BCOR: variants seen among roughly 807,000 people sequenced by gnomAD.
The protein encoded by BCOR is BCL6 corepressor, also known as BCL-6 corepressor.
A neutral mutation model predicts 86.7 loss-of-function variants in BCOR; 10 were observed. The observed-to-expected ratio is 0.12, with a 90% CI of 0.07 to 0.20. The LOEUF is 0.20. Ranked by LOEUF, BCOR falls within the 10% of genes least tolerant of loss-of-function variation. BCOR has a pLI of 1.00. For synonymous variants in BCOR, 611 were observed against 609.0 expected (o/e 1.00, Z -0.05); for missense variants, 1,259 against 1,452.1 (o/e 0.87, Z 2.16).
intron 6 of BCOR, among the ~76,000 whole-genome samples, chrX:40,066,509 G>A (rs1935209485): frequency 1.8e-5 from 2 of 111,489 alleles, no homozygotes; most frequent in Non-Finnish European, 3.8e-5. Context: ...CAGAGGGTAA[G>A]GCTGGAGAAA....
At chrX:40,058,731 G>A (rs904038856) in intron 10 of BCOR, among the ~76,000 whole-genome samples, 1 of 111,589 alleles carries the variant, frequency 9.0e-6, no homozygotes, top group Non-Finnish European at 1.9e-5. Flanking sequence ...GAGGAAGAGA[G>A]AAGGCATGCC....
chrX:40,080,990 C>CAT (rs1491365647), intron 1 of BCOR, among the ~76,000 whole-genome samples: 1 of 4,145 alleles, frequency 2.4e-4, no homozygotes, highest in Non-Finnish European at 7.0e-4. Context: ...CACACACGCG[C>CAT]ACACACACAC....
At chrX:40,149,510 T>C (rs887960629) in intron 1 of BCOR, among the ~76,000 whole-genome samples, 2 of 111,060 alleles carry the variant, frequency 1.8e-5, no homozygotes, top group African/African-American at 6.6e-5. Flanking sequence ...CTTCCTGATA[T>C]GCTTAACTGC....
At chrX:40,056,733 G>A (rs759822178) in intron 11 of BCOR, among the ~76,000 whole-genome samples, 7 of 111,604 alleles carry the variant, frequency 6.3e-5, no homozygotes, top group Non-Finnish European at 1.1e-4. Context: ...TGAGGGCCAC[G>A]GCTGGGGATG....
intron 1 of BCOR, among the ~76,000 whole-genome samples, chrX:40,151,012 G>T (rs1210150078): frequency 8.9e-6 from 1 of 111,890 alleles, no homozygotes; most frequent in Non-Finnish European, 1.9e-5. Flanking sequence ...AGCTGGCCAA[G>T]GGGAAAGGAG....
At chrX:40,057,662 G>T (rs1934666289) in intron 10 of BCOR, among the ~76,000 whole-genome samples, 1 of 112,122 alleles carries the variant, frequency 8.9e-6, no homozygotes, top group Non-Finnish European at 1.9e-5. Context: ...TTAGCTCAGT[G>T]CCTGGCACAG....
intron 1 of BCOR, among the ~76,000 whole-genome samples, chrX:40,085,639 T>TA (rs1353035822): frequency 9.0e-6 from 1 of 111,656 alleles, no homozygotes; most frequent in Admixed American, 9.5e-5. Flanking sequence ...AGATATCCTG[T>TA]AGGCTGTACA....
chrX:40,097,377 G>C lies in BCOR; in HGVS notation c.-203C>G, dbSNP rs1360026948. 9.0e-6 allele frequency: 1 copy of C among 110,602 alleles called. No homozygotes were observed. Among genetic ancestry groups the C allele is most frequent in the Non-Finnish European group, 1.9e-5 (1 of 52,387 alleles). The allele number at this position is 110,602 out of a possible 1,213,427, so 9.1% of individuals were successfully genotyped here. On this transcript the variant is annotated 5_prime_UTR_variant, in exon 1 of 15. Transcript: ENST00000378444. ...TTGGCGACGTTAACGAGCGGAGAAG[G>C]AGCCGGGCCGGAGAAGCGCGGCGAG...
At chrX:40,080,975 GCACACACACACGCGCACA>G (rs1569164642) in intron 1 of BCOR, among the ~76,000 whole-genome samples, 1 of 34,506 alleles carries the variant, frequency 2.9e-5, no homozygotes, top group Non-Finnish European at 5.4e-5. Context: ...ACGCACACGC[GCACACACACACGCGCACA>G]CACACACACA....
intron 1 of BCOR, among the ~76,000 whole-genome samples, chrX:40,129,656 C>T (rs952058670): frequency 4.6e-5 from 5 of 107,912 alleles, no homozygotes; most frequent in African/African-American, 1.0e-4. Context: ...GGAGGAGCTG[C>T]GGGGCCTTAG....
chrX:40,133,566 T>G (rs1216480549), intron 1 of BCOR, among the ~76,000 whole-genome samples: 2 of 111,021 alleles, frequency 1.8e-5, no homozygotes, highest in Non-Finnish European at 3.8e-5. Flanking sequence ...TTCATGCCAT[T>G]CTCTTGCCTC....
Position 40,078,039 on chromosome X carries a change from G to A in BCOR, c.-40-70C>T. 9.5e-6 allele frequency: 6 copies of A among 630,428 alleles called. No homozygotes were observed. The South Asian group carries it at 1.4e-4, about 15-fold the overall frequency. The allele number at this position is 630,428 out of a possible 1,213,427, so 52.0% of individuals were successfully genotyped here. ...AGAGCCAAACAGGGCGCTAGAGAAG[G>A]CCTCTTTCTAGGTGATTCATAAAGG... On this transcript the variant is annotated intron_variant, in intron 1 of 14. Transcript: ENST00000378444.
intron 1 of BCOR, among the ~76,000 whole-genome samples, chrX:40,087,549 C>G (rs1010913709): frequency 2.7e-5 from 3 of 112,262 alleles, no homozygotes; most frequent in Admixed American, 1.9e-4. Context: ...GGAATCAAAG[C>G]TGAGACCAGA....
rs1569149415 is a variant in BCOR, at chrX:40,064,526, C to G, written c.3312G>C (p.Lys1104Asn). The change falls in exon 7 of 15, where the codon AAG becomes AAC. Residue 1104 changes from lysine (K) to asparagine (N), a missense_variant. By Grantham distance (94) the Lys-to-Asn change is moderately conservative. Coordinates refer to ENST00000378444, the MANE Select transcript of BCOR (RefSeq NM_001123385.2). ...APEDKDLPVEKYFVERQPVSE... is the reference protein window; with the variant it reads ...APEDKDLPVENYFVERQPVSE... ...TCACAGGCTGCCTCTCCACAAAGTA[C>G]TTCTCCACAGGAAGATCTTTGTCCT... 5 of 1,212,237 alleles carry G rather than the reference C, an allele frequency of 4.1e-6. No individual in the cohort carries two copies. Among genetic ancestry groups the G allele is most frequent in the Non-Finnish European group, 5.6e-6 (5 of 895,584 alleles).
upstream of BCOR, among the ~76,000 whole-genome samples, chrX:40,100,153 T>G (rs1937044016): frequency 8.8e-6 from 1 of 113,159 alleles, no homozygotes; most frequent in Non-Finnish European, 1.9e-5. Context: ...CCTCTGGTTG[T>G]GTGTTGTGGC....
chrX:40,107,324 C>T (rs1328128301), intron 1 of BCOR, among the ~76,000 whole-genome samples: 2 of 110,111 alleles, frequency 1.8e-5, no homozygotes, highest in Non-Finnish European at 3.8e-5. Flanking sequence ...CGGGGCGACC[C>T]AGCAGAGTGG....
At chrX:40,119,567 A>T (rs1240999137) in intron 1 of BCOR, among the ~76,000 whole-genome samples, 1 of 110,699 alleles carries the variant, frequency 9.0e-6, no homozygotes, top group East Asian at 2.8e-4. Context: ...GCTACTCAGG[A>T]GGCTGAGGCC....
Position 40,074,359 on chromosome X carries a change from T to C in BCOR, c.987A>G (p.Thr329=), listed in dbSNP as rs1222945495. The C allele has an allele frequency of 1.8e-5, 22 of 1,211,154 alleles. No individual in the cohort carries two copies. Among genetic ancestry groups the C allele is most frequent in the Non-Finnish European group, 2.5e-5 (22 of 895,141 alleles). Reference sequence around the variant, plus strand: ...GAGGCGAGGGGGGCAACAGGAGAGCTGTGTCCCCCGGCAGGCCACTGGTGA... The same window carrying C: ...GAGGCGAGGGGGGCAACAGGAGAGCCGTGTCCCCCGGCAGGCCACTGGTGA... The part of the protein sequence containing the change: ...KAVTSGLPGD[T]ALLLPPSPRP... The change falls in exon 4 of 15, where the codon ACA becomes ACG. Residue 329 remains threonine, a synonymous_variant. Transcript: ENST00000378444.
At chrX:40,165,068 G>C (rs754266564) in intron 1 of BCOR, among the ~76,000 whole-genome samples, 2 of 111,754 alleles carry the variant, frequency 1.8e-5, no homozygotes, top group South Asian at 7.5e-4. Context: ...TCTGGAATGT[G>C]ATGGACCGAG....
Sources: allele counts gnomAD v4.1 joint callset (sites outside exome capture counted in the v4.1 genomes callset), GRCh38; gene constraint gnomAD v4.1.1; transcripts MANE v1.5; gene names NCBI Gene and HGNC (gene_info 2026-07-23, HGNC 2026-07-21).